GRHPR: variants seen among roughly 807,000 people sequenced by gnomAD.
GRHPR encodes the protein glyoxylate reductase/hydroxypyruvate reductase.
In GRHPR, 35 loss-of-function variants were observed where a neutral mutation model predicts 36.8. That is an observed-to-expected ratio of 0.95 (90% CI 0.73 to 1.26). GRHPR has a LOEUF of 1.26. Among genes scored for constraint, GRHPR ranks in the 50% most tolerant of loss-of-function variants. The pLI is 0.00. For synonymous variants in GRHPR, 179 were observed against 181.0 expected (o/e 0.99, Z 0.09); for missense variants, 380 against 435.0 (o/e 0.87, Z 1.12).
At chr9:37,431,379 G>A (rs1823359099) in intron 7 of GRHPR, 2 of 309,344 alleles carry the variant, frequency 6.5e-6, no homozygotes, top group Admixed American at 9.1e-5. Context: ...AGCAGTCACA[G>A]CTGCCGTGTA....
rs1823274106 is a variant in GRHPR, at chr9:37,429,823, C to G, written c.585C>G (p.Phe195Leu). ...CCAGGCCTGAGGAAGCAGCAGAATTCCAGGCAGAGTTTGGTAAGTGAAGCC... is the reference window on the plus strand; with the variant it reads ...CCAGGCCTGAGGAAGCAGCAGAATTGCAGGCAGAGTTTGGTAAGTGAAGCC... Reference protein sequence around the residue: ...RQPRPEEAAEFQAEFVSTPEL... With the variant: ...RQPRPEEAAELQAEFVSTPEL... The change falls in exon 6 of 9, where the codon TTC (phenylalanine) becomes TTG (leucine). Residue 195 changes from phenylalanine to leucine, a missense_variant. Coordinates refer to ENST00000318158, the MANE Select transcript of GRHPR (RefSeq NM_012203.2). 6.3e-7 allele frequency: 1 copy of G among 1,588,762 alleles called. No homozygotes were observed. The highest frequency in any genetic ancestry group is 1.3e-5 in the African/African-American group (1 of 74,540).
rs375014308 is a variant in GRHPR at position 37,430,538 on chromosome 9, C to G, written c.626C>G (p.Ser209Cys). The change falls in exon 7 of 9, where the codon TCT becomes TGT. Residue 209 changes from serine to cysteine, a missense_variant. Physicochemically the swap from Ser to Cys is moderately radical, Grantham distance 112. Coordinates refer to ENST00000318158, the MANE Select transcript of GRHPR (RefSeq NM_012203.2). Reference sequence around the variant, plus strand: ...TCTACCCCTGAGCTGGCTGCCCAATCTGATTTCATCGTCGTGGCCTGCTCC... The same window carrying G: ...TCTACCCCTGAGCTGGCTGCCCAATGTGATTTCATCGTCGTGGCCTGCTCC... Reference protein sequence around the residue: ...FVSTPELAAQSDFIVVACSLT... With the variant: ...FVSTPELAAQCDFIVVACSLT... 6.2e-7 allele frequency: 1 copy of G among 1,613,872 alleles called. No homozygotes were observed. Among genetic ancestry groups the G allele is most frequent in the Non-Finnish European group, 8.5e-7 (1 of 1,179,712 alleles).
chr9:37,429,544 T>G, intron 5 of GRHPR, 188 bp from the exon 6 acceptor site: 2 of 675,584 alleles, frequency 3.0e-6, no homozygotes, highest in Non-Finnish European at 2.7e-6. Flanking sequence ...TGGGGCAGTG[T>G]GGGCTGGCTG....
intron 8 of GRHPR, chr9:37,434,024 T>TGGCCA: frequency 1.1e-5 from 4 of 371,816 alleles, no homozygotes; most frequent in South Asian, 1.4e-4. Flanking sequence ...CCAGGAAAAC[T>TGGCCA]GCCCTCCCAC....
chr9:37,434,487 A>G (rs1033954361), intron 8 of GRHPR: 5 of 554,562 alleles, frequency 9.0e-6, no homozygotes, highest in South Asian at 4.7e-5. Flanking sequence ...TTTGTCCCCA[A>G]GAAGGTGAGG....
intron 8 of GRHPR, among the ~76,000 whole-genome samples, chr9:37,435,320 T>C (rs1823589376): frequency 6.6e-6 from 1 of 152,090 alleles, no homozygotes; most frequent in Non-Finnish European, 1.5e-5. Flanking sequence ...TGACCTTGAG[T>C]ATGTAAAGGG....
chr9:37,430,489 A>G, intron 6 of GRHPR, 22 bp from the exon 7 acceptor site: 1 of 1,610,954 alleles, frequency 6.2e-7, no homozygotes, highest in Non-Finnish European at 8.5e-7. Context: ...TCAGTGCCTG[A>G]TGGAGTCCTG....
chr9:37,424,988 T>C lies in GRHPR; in HGVS notation c.214+13T>C. ...CTGGATGCTGCAGGTGCACACTGGG[T>C]GGGCAGGGGACTTGAGGGTGGCTTG... On this transcript the variant is annotated intron_variant, in intron 2 of 8. Transcript: ENST00000318158. 12 of 1,611,036 alleles carry C rather than the reference T, an allele frequency of 7.4e-6. No individual in the cohort carries two copies. Among genetic ancestry groups the C allele is most frequent in the Non-Finnish European group, 1.0e-5 (12 of 1,179,590 alleles).
chr9:37,424,803 G>A (rs769871058), intron 1 of GRHPR, 42 bp from the exon 2 acceptor site: 5 of 1,601,090 alleles, frequency 3.1e-6, no homozygotes, highest in South Asian at 1.1e-5. Flanking sequence ...GGGGACAGGT[G>A]TGCGGCTCCT....
Position 37,429,802 on chromosome 9 carries a change from G to T in GRHPR, c.564G>T (p.Arg188Ser). 6.2e-7 allele frequency: 1 copy of T among 1,611,100 alleles called. No homozygotes were observed. Among genetic ancestry groups the T allele is most frequent in the Non-Finnish European group, 8.5e-7 (1 of 1,177,170 alleles). The change falls in exon 6 of 9, where the codon AGG (arginine) becomes AGT (serine). Residue 188 changes from arginine (R) to serine (S), a missense_variant. Arg to Ser is a moderately radical substitution (Grantham distance 110, BLOSUM62 -1). Coordinates refer to ENST00000318158, the MANE Select transcript of GRHPR (RefSeq NM_012203.2). ...TTCTGTACACAGGGCGCCAGCCCAGGCCTGAGGAAGCAGCAGAATTCCAGG... is the reference window on the plus strand; with the variant it reads ...TTCTGTACACAGGGCGCCAGCCCAGTCCTGAGGAAGCAGCAGAATTCCAGG... ...QRFLYTGRQP[R>S]PEEAAEFQAE... is the part of the protein sequence containing the mutation.
chr9:37,423,008 C>G (rs1443089085), intron 1 of GRHPR, among the ~76,000 whole-genome samples, 175 bp downstream of exon 1: 1 of 152,114 alleles, frequency 6.6e-6, no homozygotes, highest in Non-Finnish European at 1.5e-5. Flanking sequence ...ACCTGCAGTT[C>G]CGGCTTTGGA....
chr9:37,431,037 G>A, intron 7 of GRHPR: 1 of 476,476 alleles, frequency 2.1e-6, no homozygotes, highest in South Asian at 1.5e-5. Flanking sequence ...TCTGGCTGTG[G>A]TTCAGTGATA....
chr9:37,430,421 T>C, intron 6 of GRHPR, 90 bp from the exon 7 acceptor site: 1 of 1,114,284 alleles, frequency 9.0e-7, no homozygotes, highest in Non-Finnish European at 1.4e-6. Context: ...GAGTTTCTGT[T>C]AGGGAGTCGG....
chr9:37,425,209 T>A (rs958964538), intron 2 of GRHPR, among the ~76,000 whole-genome samples: 1 of 152,156 alleles, frequency 6.6e-6, no homozygotes, highest in African/African-American at 2.4e-5. Flanking sequence ...GTGGAGACTG[T>A]GGGTGTGGGG....
rs1239214984 is a variant in GRHPR, at chr9:37,436,969, A to G, written c.*187A>G. 6 of 610,678 alleles carry G rather than the reference A, an allele frequency of 9.8e-6. No individual in the cohort carries two copies. The highest frequency in any genetic ancestry group is 1.9e-5 in the African/African-American group (1 of 53,894). The allele number at this position is 610,678 out of a possible 1,614,324, so 37.8% of individuals were successfully genotyped here. ...TTTGCGCCAAAAGTATGGTAATTCT[A>G]TTATTAAATAATTCTCTGAGAGACC... On this transcript the variant is annotated 3_prime_UTR_variant, in exon 9 of 9. Coordinates refer to ENST00000318158, the MANE Select transcript of GRHPR (RefSeq NM_012203.2).
Position 37,436,903 on chromosome 9 carries a change from T to G in GRHPR, c.*121T>G, listed in dbSNP as rs1301608218. 8 of 1,084,950 alleles carry G rather than the reference T, an allele frequency of 7.4e-6. No individual in the cohort carries two copies. The highest frequency in any genetic ancestry group is 1.1e-5 in the Non-Finnish European group (8 of 703,390). 67.2% of individuals were successfully genotyped at this position (1,084,950 alleles called of 1,614,324 possible). A position where few individuals can be genotyped will look rare whatever the true frequency, so the allele number is the denominator to read the frequency against. On this transcript the variant is annotated 3_prime_UTR_variant, in exon 9 of 9. Transcript: ENST00000318158. ...AAGGTGTGATTCTCTGAGGAAAGAG[T>G]GATTCTGATATATGTACTTGTCACA... is the stretch of plus-strand genomic sequence containing the variant.
At chr9:37,430,379 G>T in intron 6 of GRHPR, 132 bp from the exon 7 acceptor site, 1 of 791,522 alleles carries the variant, frequency 1.3e-6, no homozygotes, top group East Asian at 2.5e-5. Flanking sequence ...GAGTTGTCCA[G>T]GTAGAGACTC....
rs1823415581 is a variant in GRHPR at position 37,432,416 on chromosome 9, A to T, written c.865+278A>T. 1.1e-5 allele frequency: 4 copies of T among 379,144 alleles called. No homozygotes were observed. In the East Asian group the frequency reaches 2.0e-4, roughly 19 times the overall value. 23.5% of individuals were successfully genotyped at this position (379,144 alleles called of 1,614,324 possible). The stretch of plus-strand genomic sequence containing the variant: ...AAGAGTGGGCCAGGCGTGGTGGCTC[A>T]TGCCTGTAATCCCAGCACTTTGGGA... On this transcript the variant is annotated intron_variant, in intron 8 of 8. Coordinates refer to ENST00000318158, the MANE Select transcript of GRHPR (RefSeq NM_012203.2).
chr9:37,423,757 A>T (rs549180274), intron 1 of GRHPR, among the ~76,000 whole-genome samples: 11 of 152,204 alleles, frequency 7.2e-5, no homozygotes, highest in Non-Finnish European at 1.5e-4. Context: ...TACAGGCATG[A>T]ACCACTGCAC....
Sources: gnomAD v4.1 joint callset for allele counts (sites outside exome capture counted in the v4.1 genomes callset) on GRCh38, gnomAD v4.1.1 for gene constraint, MANE v1.5 for transcripts, NCBI Gene and HGNC (gene_info 2026-07-23, HGNC 2026-07-21) for gene names.